Variants in ABAT observed in about 807,000 individuals in gnomAD.
ABAT encodes 4-aminobutyrate aminotransferase.
A neutral mutation model predicts 64.6 loss-of-function variants in ABAT; 45 were observed. That is an observed-to-expected ratio of 0.70 (90% CI 0.55 to 0.89). ABAT has a LOEUF of 0.89. Among genes scored for constraint, ABAT ranks in the 40% least tolerant of loss-of-function variants. The pLI, the probability that ABAT is intolerant of heterozygous loss-of-function variation, is 0.00. For synonymous variants in ABAT, 297 were observed against 250.5 expected (o/e 1.19, Z -1.75); for missense variants, 633 against 658.4 (o/e 0.96, Z 0.42).
chr16:8,698,842 A>G (rs1397993415), intron 1 of ABAT, among the ~76,000 whole-genome samples: 1 of 152,158 alleles, frequency 6.6e-6, no homozygotes, highest in African/African-American at 2.4e-5. Flanking sequence ...GCTACTCGAG[A>G]GGCTGAGGCA....
At chr16:8,733,433 G>A (rs1247296318) in intron 1 of ABAT, among the ~76,000 whole-genome samples, 5 of 151,874 alleles carry the variant, frequency 3.3e-5, no homozygotes, top group Admixed American at 2.0e-4. Context: ...ACGGGGTGGC[G>A]GCCGGGCAGA....
intron 1 of ABAT, among the ~76,000 whole-genome samples, chr16:8,700,384 T>G (rs2057793991): frequency 6.6e-6 from 1 of 152,186 alleles, no homozygotes; most frequent in African/African-American, 2.4e-5. Flanking sequence ...CATGAATTTT[T>G]ACCTGAGAAT....
chr16:8,695,210 G>A (rs1386064775), intron 1 of ABAT, among the ~76,000 whole-genome samples: 1 of 152,182 alleles, frequency 6.6e-6, no homozygotes, highest in Admixed American at 6.5e-5. Flanking sequence ...CGCGGTTTTG[G>A]GAGAAAGTGC....
Position 8,764,936 on chromosome 16 carries a change from C to T in ABAT, c.540+106C>T, listed in dbSNP as rs1358043281. 9.5e-7 allele frequency: 1 copy of T among 1,047,410 alleles called. No individual in the cohort carries two copies. Among genetic ancestry groups the T allele is most frequent in the Non-Finnish European group, 1.5e-6 (1 of 682,244 alleles). 64.9% of individuals were successfully genotyped at this position (1,047,410 alleles called of 1,614,324 possible). On this transcript the variant is annotated intron_variant, in intron 8 of 15. Transcript: ENST00000268251. This position sits in a 1 kb window ranked among gnomAD's most constrained non-coding sequence, Gnocchi z 4.2. ...CATTCCAATGGGCTGGAGTATTAGA[C>T]ATCAGTACCAGGGTTAAAATACAGG...
intron 1 of ABAT, among the ~76,000 whole-genome samples, chr16:8,727,713 C>A (rs2058599459): frequency 6.6e-6 from 1 of 152,214 alleles, no homozygotes; most frequent in Admixed American, 6.5e-5. Flanking sequence ...TCATAGTTCT[C>A]TGCCACTAAA....
rs750745519 is a variant in ABAT at position 8,754,179 on chromosome 16, T to TAA, written c.317-3553_317-3552dup. On this transcript the variant is annotated intron_variant, in intron 5 of 15. Transcript: ENST00000268251. ...AGCCAACATGTTGAAACCCTGTCTA[T>TAA]AAAAAAAAAAAAAAAAAAAAAAAAA... is the stretch of plus-strand genomic sequence containing the variant. Among the ~76,000 whole-genome samples, 224 of 63,834 alleles carry TAA rather than the reference T, an allele frequency of 3.5e-3. 12 individuals carry two copies. Among genetic ancestry groups the TAA allele is most frequent in the African/African-American group, 0.01 (181 of 18,058 alleles). 41.9% of individuals were successfully genotyped at this position (63,834 alleles called of 152,430 possible).
chr16:8,722,723 AC>A, intron 1 of ABAT: 1 of 945,310 alleles, frequency 1.1e-6, no homozygotes, highest in South Asian at 1.4e-5. Flanking sequence ...CTCTGAAAGC[AC>A]CTCCCTTCTA....
chr16:8,778,879 A>G (rs1256123487), intron 14 of ABAT, among the ~76,000 whole-genome samples: 1 of 152,168 alleles, frequency 6.6e-6, no homozygotes, highest in East Asian at 1.9e-4. Flanking sequence ...CGAAGACCTT[A>G]TTTCCAAATT....
At chr16:8,712,786 A>T (rs916078843) in intron 1 of ABAT, 1 of 152,100 alleles carries the variant, frequency 6.6e-6, no homozygotes, top group African/African-American at 2.4e-5. Context: ...ATTTGATCCC[A>T]TTGGTTGCCT....
chr16:8,753,655 A>G (rs1367722278), intron 5 of ABAT, among the ~76,000 whole-genome samples: 2 of 152,236 alleles, frequency 1.3e-5, no homozygotes, highest in Non-Finnish European at 2.9e-5. Context: ...ACCAGGACTT[A>G]AAGACCTTTG....
At chr16:8,737,981 GAAGGAAGGAGGA>G (rs2059011105) in intron 2 of ABAT, among the ~76,000 whole-genome samples, 1 of 2,354 alleles carries the variant, frequency 4.2e-4, no homozygotes, top group Non-Finnish European at 1.1e-3. Context: ...AGGAAGGAAG[GAAGGAAGGAGGA>G]AAGAAAGAAA....
chr16:8,700,290 T>C (rs772858409), intron 1 of ABAT, among the ~76,000 whole-genome samples: 1 of 152,208 alleles, frequency 6.6e-6, no homozygotes, highest in South Asian at 2.1e-4. Context: ...GGCTGGACTT[T>C]CCTGATATTC....
intron 2 of ABAT, among the ~76,000 whole-genome samples, chr16:8,745,282 C>T (rs1301521474): frequency 6.6e-6 from 1 of 152,278 alleles, no homozygotes; most frequent in East Asian, 1.9e-4. Flanking sequence ...CCATCTGGCC[C>T]TCTTTGCTGT....
In ABAT at chr16:8,764,674, C is replaced by A; in HGVS notation, c.448-64C>A. 2 of 1,462,818 alleles carry A rather than the reference C, an allele frequency of 1.4e-6. No individual in the cohort carries two copies. The highest frequency in any genetic ancestry group is 1.9e-6 in the Non-Finnish European group (2 of 1,043,084). 90.6% of individuals were successfully genotyped at this position (1,462,818 alleles called of 1,614,324 possible). On this transcript the variant is annotated intron_variant, in intron 7 of 15. Transcript: ENST00000268251. The surrounding 1 kb of genome is among the most constrained non-coding windows in gnomAD (Gnocchi z 4.2). ...GCCCCTGCGAAGATTCAGCTCCAGC[C>A]AGGGGAAGCGGGAGGACAGGAGTCA...
intron 1 of ABAT, among the ~76,000 whole-genome samples, chr16:8,717,148 G>T (rs1356373154): frequency 6.6e-6 from 1 of 152,094 alleles, no homozygotes; most frequent in Non-Finnish European, 1.5e-5. Flanking sequence ...AAATTAGCCA[G>T]GAGTGATGGC....
At chr16:8,739,306 A>G (rs1247747072) in intron 2 of ABAT, among the ~76,000 whole-genome samples, 1 of 152,226 alleles carries the variant, frequency 6.6e-6, no homozygotes, top group African/African-American at 2.4e-5. Context: ...TACCTTCACC[A>G]CACATTAACC....
chr16:8,757,355 A>T (rs1293187374), intron 5 of ABAT: 1 of 359,322 alleles, frequency 2.8e-6, no homozygotes, highest in Admixed American at 3.7e-5. Flanking sequence ...TTTAGTAGAG[A>T]CGGGGATTCA....
chr16:8,682,267 C>T (rs921710607), intron 1 of ABAT, among the ~76,000 whole-genome samples: 2 of 150,760 alleles, frequency 1.3e-5, no homozygotes, highest in Admixed American at 1.3e-4. Context: ...TGTTGGATGG[C>T]TGGGGGTGTA....
At chr16:8,767,622 G>A (rs2059981932) in intron 9 of ABAT, among the ~76,000 whole-genome samples, 1 of 152,180 alleles carries the variant, frequency 6.6e-6, no homozygotes, top group South Asian at 2.1e-4. Flanking sequence ...AAACAGTGCA[G>A]CACTGGTGAG....
Sources: gnomAD v4.1 joint callset for allele counts (sites outside exome capture counted in the v4.1 genomes callset) on GRCh38, gnomAD v4.1.1 for gene constraint, Gnocchi (gnomAD v3.1) non-coding constraint, MANE v1.5 for transcripts, NCBI Gene and HGNC (gene_info 2026-07-23, HGNC 2026-07-21) for gene names.